The following LIPI variants were observed in gnomAD, a reference collection of about 807,000 sequenced individuals.
LIPI encodes the protein lipase I, also known as lipase member I.
A neutral mutation model predicts 50.6 loss-of-function variants in LIPI; 59 were observed. The ratio of observed to expected loss-of-function variants is 1.16; its 90% confidence interval spans 0.94 to 1.45. The LOEUF (loss-of-function observed/expected upper bound fraction) is 1.45. Among genes scored for constraint, LIPI ranks in the 40% most tolerant of loss-of-function variants. The probability of loss-of-function intolerance (pLI) is 0.00; values close to 1 mark genes in which losing one functional copy is unlikely to be tolerated. For synonymous variants in LIPI, 203 were observed against 178.2 expected, an observed-to-expected ratio of 1.14 and a Z score of -1.11; for missense variants, 586 against 536.3, an observed-to-expected ratio of 1.09 and a Z score of -0.92.
intron 9 of LIPI, among the ~76,000 whole-genome samples, chr21:14,110,779 G>T (rs1291911382): frequency 6.6e-6 from 1 of 151,158 alleles, no homozygotes; most frequent in East Asian, 1.9e-4. Flanking sequence ...TGTCCTTCAG[G>T]TTCATTCATG....
At chr21:14,154,105 G>GT (rs1289005401) in intron 7 of LIPI, among the ~76,000 whole-genome samples, 7 of 151,406 alleles carry the variant, frequency 4.6e-5, no homozygotes, top group South Asian at 2.1e-4. Flanking sequence ...GCACAAATAG[G>GT]TTTTTTTTAA....
intron 4 of LIPI, among the ~76,000 whole-genome samples, chr21:14,176,916 C>A (rs918917692): frequency 6.6e-6 from 1 of 151,892 alleles, no homozygotes; most frequent in Non-Finnish European, 1.5e-5. Context: ...TTAGGTATAT[C>A]GAAATGTTTG....
At position 14,165,339 on chromosome 21, in the gene LIPI, G is replaced by A. The variant is rs767765528; in HGVS notation, c.785C>T (p.Ala262Val). ...NHQRAVHLFM[A>V]SLETNCNFIS... ...AAAATTGCAGTTTGTTTCTAAAGAT[G>A]CCATGAACAAGTGAACTGCTCTCTG... The change falls in exon 6 of 10, where the codon GCA becomes GTA. Residue 262 changes from alanine (A) to valine (V), a missense_variant. Physicochemically the swap from Ala to Val is moderately conservative, Grantham distance 64. Coordinates refer to ENST00000681601, the MANE Select transcript of LIPI (RefSeq NM_001302998.2). The A allele has an allele frequency of 1.2e-6, 2 of 1,612,014 alleles. No homozygotes were observed. Among genetic ancestry groups the A allele is most frequent in the African/African-American group, 1.3e-5 (1 of 74,928 alleles).
At chr21:14,154,266 A>G (rs1185688307) in intron 7 of LIPI, among the ~76,000 whole-genome samples, 1 of 152,128 alleles carries the variant, frequency 6.6e-6, no homozygotes, top group Non-Finnish European at 1.5e-5. Flanking sequence ...TGTATCTGAA[A>G]ACAAGAGAAG....
intron 4 of LIPI, among the ~76,000 whole-genome samples, chr21:14,180,032 G>A (rs1353386788): frequency 6.6e-6 from 1 of 152,024 alleles, no homozygotes; most frequent in African/African-American, 2.4e-5. Context: ...TTAATACCCT[G>A]GGAAATGAAT....
At chr21:14,116,990 A>T (rs530663263) in intron 9 of LIPI, among the ~76,000 whole-genome samples, 2 of 152,224 alleles carry the variant, frequency 1.3e-5, no homozygotes, top group East Asian at 3.9e-4. Flanking sequence ...CTGCCTCCAG[A>T]GGGTTGGACT....
rs202244578 is a variant in LIPI, at chr21:14,181,716, T to A, written c.643+42A>T. 5.9e-5 allele frequency: 74 copies of A among 1,258,618 alleles called. 1 individual carries two copies. In the African/African-American group the frequency reaches 8.5e-4, roughly 15 times the overall value. 78.0% of individuals were successfully genotyped at this position (1,258,618 alleles called of 1,614,324 possible). On this transcript the variant is annotated intron_variant, in intron 4 of 9. Coordinates refer to ENST00000681601, the MANE Select transcript of LIPI (RefSeq NM_001302998.2). ...TCTTGCCCAAGGTCTACATTTTCCT[T>A]TTCATTTTCAAATAATTAGGTAATA...
chr21:14,116,374 G>A (rs1315132808), intron 9 of LIPI, among the ~76,000 whole-genome samples: 1 of 152,148 alleles, frequency 6.6e-6, no homozygotes, highest in East Asian at 1.9e-4. Flanking sequence ...GTAGTTGGGT[G>A]TGACCTGGCC....
chr21:14,209,209 T>A (rs1406505144), intron 1 of LIPI, among the ~76,000 whole-genome samples: 1 of 152,240 alleles, frequency 6.6e-6, no homozygotes, highest in African/African-American at 2.4e-5. Context: ...TATATCTGTA[T>A]AAAGTTTTTT....
chr21:14,192,697 G>T (rs868634364), intron 1 of LIPI, among the ~76,000 whole-genome samples: 2 of 152,154 alleles, frequency 1.3e-5, no homozygotes, highest in Non-Finnish European at 2.9e-5. Flanking sequence ...GCAATGGAAA[G>T]ATATATTTTA....
rs1314000243 is a variant in LIPI, at chr21:14,152,701, T to G, written c.1007-17A>C. ...AATAATAGGCTACAAAATAAAAATA[T>G]AGAATACAACTCACATTATTTTTTA... On this transcript the variant is annotated splice_polypyrimidine_tract_variant and intron_variant, in intron 7 of 9. Coordinates refer to ENST00000681601, the MANE Select transcript of LIPI (RefSeq NM_001302998.2). 8.1e-7 allele frequency: 1 copy of G among 1,233,922 alleles called. No homozygotes were observed. Among genetic ancestry groups the G allele is most frequent in the South Asian group, 1.2e-5 (1 of 81,092 alleles). 76.4% of individuals were successfully genotyped at this position (1,233,922 alleles called of 1,614,324 possible).
chr21:14,162,315 T>C (rs979329782), intron 7 of LIPI, among the ~76,000 whole-genome samples: 2 of 151,370 alleles, frequency 1.3e-5, no homozygotes, highest in Non-Finnish European at 3.0e-5. Flanking sequence ...ACCGGGGGGA[T>C]GGGGTACGTA....
chr21:14,210,099 T>C (rs1183005442), intron 1 of LIPI, among the ~76,000 whole-genome samples: 1 of 152,078 alleles, frequency 6.6e-6, no homozygotes, highest in African/African-American at 2.4e-5. Flanking sequence ...GGAAATAATC[T>C]GCTCTCATAA....
At chr21:14,173,637 T>C (rs1405592431) in intron 4 of LIPI, among the ~76,000 whole-genome samples, 1 of 152,162 alleles carries the variant, frequency 6.6e-6, no homozygotes, top group East Asian at 1.9e-4. Context: ...AGATTTAGCA[T>C]AAAACAAAGA....
At chr21:14,176,109 T>C (rs1414832339) in intron 4 of LIPI, among the ~76,000 whole-genome samples, 3 of 149,256 alleles carry the variant, frequency 2.0e-5, no homozygotes, top group East Asian at 2.0e-4. Flanking sequence ...ACCCGGGAGT[T>C]GGAGCTTGCA....
intron 9 of LIPI, among the ~76,000 whole-genome samples, chr21:14,137,178 G>A (rs549340603): frequency 2.0e-5 from 3 of 152,196 alleles, no homozygotes; most frequent in African/African-American, 2.4e-5. Context: ...CTCAGACACC[G>A]AAGAACATCT....
At chr21:14,123,542 G>A (rs1159326858) in intron 9 of LIPI, among the ~76,000 whole-genome samples, 6 of 151,916 alleles carry the variant, frequency 3.9e-5, no homozygotes, top group African/African-American at 1.2e-4. Flanking sequence ...AATGAAGAAA[G>A]AAAAAGGACC....
intron 6 of LIPI, 101 bp downstream of exon 6, chr21:14,165,113 ATGTATTAAC>A: frequency 1.3e-6 from 1 of 784,068 alleles, no homozygotes; most frequent in Non-Finnish European, 2.2e-6. Context: ...TAAAATGGTC[ATGTATTAAC>A]AAGTAAACAG....
chr21:14,206,796 T>G, intron 1 of LIPI: 1 of 1,394,930 alleles, frequency 7.2e-7, no homozygotes, highest in Middle Eastern at 1.8e-4. Flanking sequence ...ATGAAGAAAG[T>G]GAAGTTAAAA....
Sources: gnomAD v4.1 joint callset for allele counts (sites outside exome capture counted in the v4.1 genomes callset) on GRCh38, gnomAD v4.1.1 for gene constraint, MANE v1.5 for transcripts, NCBI Gene and HGNC (gene_info 2026-07-23, HGNC 2026-07-21) for gene names.